RAB6A: variants seen among roughly 807,000 people sequenced by gnomAD.
RAB6A encodes RAB6A, member RAS oncogene family, also known as ras-related protein Rab-6A.
A neutral mutation model predicts 32.3 loss-of-function variants in RAB6A; 8 were observed. The observed-to-expected ratio is 0.25, with a 90% CI of 0.15 to 0.45. RAB6A has a LOEUF of 0.45. Among genes scored for constraint, RAB6A ranks in the 20% least tolerant of loss-of-function variants. The pLI is 1.00. For missense variants in RAB6A, 104 were observed against 249.4 expected (o/e 0.42, Z 3.93); for synonymous variants, 73 against 82.1 (o/e 0.89, Z 0.60).
chr11:73,709,958 T>C (rs1022186972), intron 5 of RAB6A, among the ~76,000 whole-genome samples: 1 of 61,986 alleles, frequency 1.6e-5, no homozygotes, highest in African/African-American at 5.0e-5. Context: ...CACATATATA[T>C]ATATTTTTTT....
chr11:73,697,228 T>C (rs1459204853), intron 6 of RAB6A, among the ~76,000 whole-genome samples: 1 of 152,192 alleles, frequency 6.6e-6, no homozygotes, highest in Non-Finnish European at 1.5e-5. Context: ...AAATATCACC[T>C]TATCAGACAG....
intron 6 of RAB6A, among the ~76,000 whole-genome samples, chr11:73,692,818 G>C (rs1473038469): frequency 1.4e-5 from 2 of 144,594 alleles, no homozygotes; most frequent in Non-Finnish European, 3.0e-5. Context: ...AAAATTAGCC[G>C]GGCGTGTTGG....
intron 6 of RAB6A, among the ~76,000 whole-genome samples, chr11:73,681,670 G>C (rs888427122): frequency 6.6e-6 from 1 of 152,126 alleles, no homozygotes; most frequent in African/African-American, 2.4e-5. Context: ...TTAGCCAGGC[G>C]TGGTAGCGCA....
intron 1 of RAB6A, among the ~76,000 whole-genome samples, chr11:73,749,812 T>C (rs1387739208): frequency 6.6e-6 from 1 of 152,106 alleles, no homozygotes; most frequent in Non-Finnish European, 1.5e-5. Context: ...CAGTGAGCTG[T>C]GATCACATCA....
intron 6 of RAB6A, among the ~76,000 whole-genome samples, chr11:73,696,848 C>T (rs1483702471): frequency 6.6e-6 from 1 of 151,830 alleles, no homozygotes; most frequent in African/African-American, 2.4e-5. Flanking sequence ...AAGCAGTCCT[C>T]CCACCTTGGC....
intron 2 of RAB6A, among the ~76,000 whole-genome samples, chr11:73,727,345 T>C (rs993191101): frequency 6.6e-6 from 1 of 151,230 alleles, no homozygotes; most frequent in African/African-American, 2.4e-5. Context: ...AGAAACCCAT[T>C]AGCTCAAGAA....
intron 7 of RAB6A, among the ~76,000 whole-genome samples, 173 bp from the exon 8 acceptor site, chr11:73,678,135 A>T: frequency 6.6e-6 from 1 of 152,234 alleles, no homozygotes; most frequent in South Asian, 2.1e-4. Flanking sequence ...AAACTTGTTT[A>T]TATCTACTAT....
chr11:73,732,067 T>A (rs1271958367), intron 1 of RAB6A, among the ~76,000 whole-genome samples: 4 of 152,020 alleles, frequency 2.6e-5, no homozygotes, highest in Admixed American at 2.6e-4. Flanking sequence ...TTAATCCATA[T>A]GAAAGTGTCA....
chr11:73,682,446 G>A (rs778168867), intron 6 of RAB6A, among the ~76,000 whole-genome samples: 48 of 152,108 alleles, frequency 3.2e-4, no homozygotes, highest in African/African-American at 1.0e-3. Flanking sequence ...GGTGGATCAC[G>A]AGGTCAGGAG....
At chr11:73,718,025 A>T (rs1946076914) in intron 4 of RAB6A, among the ~76,000 whole-genome samples, 1 of 152,172 alleles carries the variant, frequency 6.6e-6, no homozygotes, top group Non-Finnish European at 1.5e-5. Context: ...CCTATTTAAA[A>T]TTTTTTTCTT....
chr11:73,747,074 GAGCCACCCCAACC>G (rs1195682963), intron 1 of RAB6A, among the ~76,000 whole-genome samples: 5 of 150,850 alleles, frequency 3.3e-5, no homozygotes, highest in African/African-American at 1.2e-4. Context: ...TTACAGACAT[GAGCCACCCCAACC>G]AGCCATACGA....
chr11:73,744,511 C>CAAAAAA (rs555388622), intron 1 of RAB6A, among the ~76,000 whole-genome samples: 18 of 63,746 alleles, frequency 2.8e-4, no homozygotes, highest in African/African-American at 1.1e-3. Context: ...ACCCTGTCTC[C>CAAAAAA]AAAAAAAAAA....
chr11:73,714,192 C>CAAAA (rs71272251), intron 5 of RAB6A, among the ~76,000 whole-genome samples: 12 of 66,138 alleles, frequency 1.8e-4, no homozygotes, highest in East Asian at 4.3e-4. Flanking sequence ...AACTCCATCT[C>CAAAA]AAAAAAAAAA....
chr11:73,737,917 A>G (rs1267935476), intron 1 of RAB6A, among the ~76,000 whole-genome samples: 2 of 141,936 alleles, frequency 1.4e-5, no homozygotes, highest in Non-Finnish European at 3.0e-5. Context: ...AATTGCTTGA[A>G]CCCGGGAGGC....
intron 2 of RAB6A, among the ~76,000 whole-genome samples, chr11:73,723,787 G>C (rs902794201): frequency 1.3e-5 from 2 of 152,078 alleles, no homozygotes; most frequent in African/African-American, 4.8e-5. Flanking sequence ...ATATTAGAGA[G>C]TAGTATGAGA....
intron 6 of RAB6A, among the ~76,000 whole-genome samples, chr11:73,685,722 TACAAA>T (rs1439368172): frequency 7.1e-6 from 1 of 141,688 alleles, no homozygotes; most frequent in Non-Finnish European, 1.5e-5. Context: ...CTATTAAAAA[TACAAA>T]AAAAAAAAAT....
rs1454240863 is a variant in RAB6A, at chr11:73,734,687, G to A, written c.71-3864C>T. ...TTCACTATAGGGTTCTCGCTCCTAT[G>A]AGAATCTAATGCCAGCACTGATCTG... On this transcript the variant is annotated intron_variant, in intron 1 of 7. Transcript: ENST00000336083. 3.9e-5 allele frequency among the ~76,000 whole-genome samples: 6 copies of A among 152,266 alleles called. No individual in the cohort carries two copies. The East Asian group carries it at 7.7e-4, about 20-fold the overall frequency.
rs1022307965 is a variant in RAB6A, at chr11:73,685,006, T to C, written c.496-5286A>G. On this transcript the variant is annotated intron_variant, in intron 6 of 7. Coordinates refer to ENST00000336083, the MANE Select transcript of RAB6A (RefSeq NM_198896.2). ...TTGTCTTAATATGGCTAAAGAGATA[T>C]ACAAATCACATAGTGAAATTGAAAG... Among the ~76,000 whole-genome samples, 11 of 152,316 alleles carry C rather than the reference T, an allele frequency of 7.2e-5. No individual in the cohort carries two copies. The Middle Eastern group carries it at 0.01, about 141-fold the overall frequency.
chr11:73,736,977 CAAA>C (rs535172648), intron 1 of RAB6A, among the ~76,000 whole-genome samples: 4 of 64,930 alleles, frequency 6.2e-5, no homozygotes, highest in African/African-American at 2.0e-4. Context: ...GACACTGTCT[CAAA>C]AAAAAAAAAA....
Sources: gnomAD v4.1 joint callset for allele counts (sites outside exome capture counted in the v4.1 genomes callset) on GRCh38, gnomAD v4.1.1 for gene constraint, MANE v1.5 for transcripts, NCBI Gene and HGNC (gene_info 2026-07-23, HGNC 2026-07-21) for gene names.